The following NFKBIZ variants were observed in gnomAD, a reference collection of about 807,000 sequenced individuals.
NFKBIZ encodes NF-kappa-B inhibitor zeta.
NFKBIZ carries 19 observed loss-of-function variants against 76.8 expected under a neutral mutation model. The observed-to-expected ratio is 0.25, with a 90% CI of 0.17 to 0.36. The LOEUF (loss-of-function observed/expected upper bound fraction) is 0.36, where lower values mean the gene tolerates loss of function less well. Among genes scored for constraint, NFKBIZ ranks in the 10% least tolerant of loss-of-function variants. The pLI is 1.00. For synonymous variants in NFKBIZ, 368 were observed against 354.8 expected (o/e 1.04, Z -0.42); for missense variants, 829 against 910.9 (o/e 0.91, Z 1.16).
Position 101,855,839 on chromosome 3 carries a change from G to A in NFKBIZ, c.1761G>A (p.Lys587=). 6.2e-7 allele frequency: 1 copy of A among 1,614,068 alleles called. No individual in the cohort carries two copies. The highest frequency in any genetic ancestry group is 8.5e-7 in the Non-Finnish European group (1 of 1,179,992). Residue 587 remains lysine, a synonymous_variant, in exon 9 of 12, where the codon AAG becomes AAA. Coordinates refer to ENST00000326172, the MANE Select transcript of NFKBIZ (RefSeq NM_031419.4). ...CTGAAGTTCAGGAGCTTTTACTGAAGAATAAGAGTCTGGTTGATACCATTA... is the reference window on the plus strand; with the variant it reads ...CTGAAGTTCAGGAGCTTTTACTGAAAAATAAGAGTCTGGTTGATACCATTA... The part of the protein sequence containing the change: ...HSPEVQELLL[K]NKSLVDTIKC...
intron 9 of NFKBIZ, 42 bp from the exon 10 acceptor site, chr3:101,857,030 TG>T: frequency 7.1e-7 from 1 of 1,399,492 alleles, no homozygotes; most frequent in Non-Finnish European, 1.0e-6. Context: ...GCATAGTATC[TG>T]GATTTTTTTT....
intron 2 of NFKBIZ, among the ~76,000 whole-genome samples, chr3:101,837,221 A>G (rs928794301): frequency 9.9e-5 from 15 of 152,156 alleles, no homozygotes; most frequent in African/African-American, 3.1e-4. Flanking sequence ...ATCAAAGGTA[A>G]ATGTGAATCT....
At position 101,852,612 on chromosome 3, in the gene NFKBIZ, G is replaced by T. The variant is rs112206759; in HGVS notation, c.430-126G>T. ...AAAATTGATATAGAAAATCAATATT[G>T]ATAGAAAAACCATATCAGAGATTTA... On this transcript the variant is annotated intron_variant, in intron 2 of 11. Coordinates refer to ENST00000326172, the MANE Select transcript of NFKBIZ (RefSeq NM_031419.4). 282 of 648,394 alleles carry T rather than the reference G, an allele frequency of 4.3e-4. No individual in the cohort carries two copies. In the African/African-American group the frequency reaches 4.8e-3, roughly 11 times the overall value. The allele number at this position is 648,394 out of a possible 1,614,324, so 40.2% of individuals were successfully genotyped here. A position where few individuals can be genotyped will look rare whatever the true frequency, so the allele number is the denominator to read the frequency against.
intron 2 of NFKBIZ, among the ~76,000 whole-genome samples, chr3:101,836,194 A>T (rs538087456): frequency 6.6e-6 from 1 of 152,176 alleles, no homozygotes; most frequent in Non-Finnish European, 1.5e-5. Flanking sequence ...ACTCAGAGAA[A>T]AGGTCAGAGC....
upstream of NFKBIZ, chr3:101,849,351 C>G (rs1942906301): frequency 6.5e-6 from 2 of 306,184 alleles, no homozygotes; most frequent in South Asian, 1.4e-4. Context: ...GGGCGGAGGG[C>G]GGAGGGCGCA....
chr3:101,841,504 G>A (rs569079746), intron 2 of NFKBIZ, among the ~76,000 whole-genome samples: 5 of 152,258 alleles, frequency 3.3e-5, no homozygotes, highest in South Asian at 4.1e-4. Context: ...ACTTAGAAAA[G>A]TACCTGACAT....
intron 2 of NFKBIZ, among the ~76,000 whole-genome samples, chr3:101,833,379 T>G (rs1253242833): frequency 1.2e-4 from 18 of 152,150 alleles, no homozygotes; most frequent in Admixed American, 1.2e-3. Context: ...TTCCCTCACC[T>G]CTGTAGCATA....
Position 101,849,714 on chromosome 3 carries a change from C to G in NFKBIZ, c.86C>G (p.Pro29Arg). 3 of 1,437,280 alleles carry G rather than the reference C, an allele frequency of 2.1e-6. No homozygotes were observed. The highest frequency in any genetic ancestry group is 2.7e-6 in the Non-Finnish European group (3 of 1,100,956). 89.0% of individuals were successfully genotyped at this position (1,437,280 alleles called of 1,614,324 possible). ...AAGGCGLMTS[P>R]LNLSYFYGAS... ...GGCGGCTGCGGCCTCATGACCAGCC[C>G]GCTCAACCTGAGCTACTTCTACGGC... Residue 29 changes from proline to arginine, a missense_variant, in exon 1 of 12, where the codon CCG becomes CGG. Pro to Arg is a moderately radical substitution (Grantham distance 103, BLOSUM62 -2). Coordinates refer to ENST00000326172, the MANE Select transcript of NFKBIZ (RefSeq NM_031419.4).
In NFKBIZ at chr3:101,853,493, G is replaced by C. The variant is rs1943001925; in HGVS notation, c.967G>C (p.Glu323Gln). ...CATACCTCCCCAGTCCCCCGCTTAT[G>C]AACCAAACCTCTTTGATGGTCCAGA... ...FPIPPQSPAY[E>Q]PNLFDGPESQ... Residue 323 changes from glutamate (E) to glutamine (Q), a missense_variant, in exon 5 of 12, where the codon GAA becomes CAA. Physicochemically the swap from Glu to Gln is conservative, Grantham distance 29. This residue lies in a region of NFKBIZ where 371 missense variants were observed against 332.3 expected (regional missense o/e 1.12). Transcript: ENST00000326172. The C allele has an allele frequency of 2.5e-6, 4 of 1,614,064 alleles. No homozygotes were observed. The highest frequency in any genetic ancestry group is 3.4e-6 in the Non-Finnish European group (4 of 1,180,040).
chr3:101,829,167 C>T (rs1412197518), intron 1 of NFKBIZ, among the ~76,000 whole-genome samples: 2 of 152,332 alleles, frequency 1.3e-5, no homozygotes, highest in Non-Finnish European at 2.9e-5. Flanking sequence ...CCCTCTCCAC[C>T]GTCTTTCTAA....
chr3:101,838,286 T>G (rs1294403488), intron 2 of NFKBIZ, among the ~76,000 whole-genome samples: 1 of 152,220 alleles, frequency 6.6e-6, no homozygotes, highest in African/African-American at 2.4e-5. Flanking sequence ...AGAAATTTGA[T>G]TTAGATACTA....
chr3:101,832,645 CT>C (rs1157712691), intron 2 of NFKBIZ, among the ~76,000 whole-genome samples: 1 of 152,168 alleles, frequency 6.6e-6, no homozygotes, highest in East Asian at 1.9e-4. Flanking sequence ...TCAGAATTTC[CT>C]TCCTTTTTAA....
At chr3:101,835,774 G>A (rs1047679258) in intron 2 of NFKBIZ, among the ~76,000 whole-genome samples, 4 of 152,148 alleles carry the variant, frequency 2.6e-5, no homozygotes, top group African/African-American at 9.7e-5. Context: ...ATTTTGGGGG[G>A]ACACCATTCA....
upstream of NFKBIZ, among the ~76,000 whole-genome samples, chr3:101,848,345 A>G (rs964213147): frequency 1.8e-4 from 28 of 152,070 alleles, no homozygotes; most frequent in Non-Finnish European, 8.8e-5. Flanking sequence ...CCCTCTCCTT[A>G]ATTCTTTGCT....
intron 2 of NFKBIZ, among the ~76,000 whole-genome samples, chr3:101,835,299 G>T (rs1208981333): frequency 6.6e-6 from 1 of 152,176 alleles, no homozygotes; most frequent in African/African-American, 2.4e-5. Flanking sequence ...TTACAGGCAA[G>T]AATTCTAGCT....
chr3:101,849,179 A>C, upstream of NFKBIZ: 1 of 151,952 alleles, frequency 6.6e-6, no homozygotes, highest in Non-Finnish European at 1.5e-5. Context: ...GCGGGGGCCT[A>C]GAGGGCAGGG....
In NFKBIZ at chr3:101,853,593, C is replaced by T; in HGVS notation, c.1067C>T (p.Pro356Leu). Residue 356 changes from proline to leucine, a missense_variant, in exon 5 of 12, where the codon CCC (proline) becomes CTC (leucine). Coordinates refer to ENST00000326172, the MANE Select transcript of NFKBIZ (RefSeq NM_031419.4). Reference sequence around the variant, plus strand: ...AGGGAATCTGAGAATATTGCTAATCCCATGCAGACTTCCTCCAGTGTTCAG... The same window carrying T: ...AGGGAATCTGAGAATATTGCTAATCTCATGCAGACTTCCTCCAGTGTTCAG... ...DQRESENIAN[P>L]MQTSSSVQQQ... The T allele has an allele frequency of 6.2e-7, 1 of 1,614,206 alleles. No homozygotes were observed. Among genetic ancestry groups the T allele is most frequent in the Non-Finnish European group, 8.5e-7 (1 of 1,180,038 alleles).
At chr3:101,830,189 T>C (rs1942629892) in intron 2 of NFKBIZ, among the ~76,000 whole-genome samples, 1 of 152,248 alleles carries the variant, frequency 6.6e-6, no homozygotes. Flanking sequence ...AATGAAAATA[T>C]TTACTGCCGC....
intron 2 of NFKBIZ, 65 bp downstream of exon 2, chr3:101,852,289 A>T: frequency 1.3e-6 from 2 of 1,561,934 alleles, no homozygotes; most frequent in South Asian, 1.2e-5. Context: ...CAGGGTTATT[A>T]TGATGACCTA....
Sources: gnomAD v4.1 joint callset for allele counts (sites outside exome capture counted in the v4.1 genomes callset) on GRCh38, gnomAD v4.1.1 for gene constraint, gnomAD v4.1.1 regional missense constraint, MANE v1.5 for transcripts, NCBI Gene and HGNC (gene_info 2026-07-23, HGNC 2026-07-21) for gene names.